Variants in PKP4 observed in about 807,000 individuals in gnomAD.
The protein encoded by PKP4 is plakophilin 4.
In PKP4, 90 loss-of-function variants were observed where a neutral mutation model predicts 145.1. That is an observed-to-expected ratio of 0.62 (90% CI 0.52 to 0.74). PKP4 has a LOEUF of 0.74. PKP4 is among the 30% of genes least tolerant of loss of function. The pLI, the probability that PKP4 is intolerant of heterozygous loss-of-function variation, is 0.00. For synonymous variants in PKP4, 563 were observed against 577.2 expected, an observed-to-expected ratio of 0.98 and a Z score of 0.35; for missense variants, 1,340 against 1,482.7, an observed-to-expected ratio of 0.90 and a Z score of 1.58.
intron 15 of PKP4, among the ~76,000 whole-genome samples, chr2:158,664,339 T>G (rs1258103006): frequency 1.3e-5 from 2 of 152,176 alleles, no homozygotes; most frequent in Non-Finnish European, 2.9e-5. Flanking sequence ...TTTGCAAATG[T>G]ATGAGTATGA....
chr2:158,662,169 G>A (rs2056654088), intron 13 of PKP4: 1 of 152,418 alleles, frequency 6.6e-6, no homozygotes, highest in African/African-American at 2.4e-5. Context: ...GGGTGAGCCT[G>A]AGAGAAAAAA....
At position 158,663,209 on chromosome 2, in the gene PKP4, T is replaced by C. The variant is rs1218680335; in HGVS notation, c.2404-63T>C. 9 of 1,554,030 alleles carry C rather than the reference T, an allele frequency of 5.8e-6. No individual in the cohort carries two copies. In the African/African-American group the frequency reaches 1.2e-4, roughly 21 times the overall value. ...TAGCTGAGTCCCGCAAAGGTGAATG[T>C]TTTCAAGTATTGGAGATCATGTTCA... On this transcript the variant is annotated intron_variant, in intron 14 of 21. Coordinates refer to ENST00000389759, the MANE Select transcript of PKP4 (RefSeq NM_003628.6).
At chr2:158,599,262 A>G (rs2050030381) in intron 3 of PKP4, among the ~76,000 whole-genome samples, 2 of 152,198 alleles carry the variant, frequency 1.3e-5, no homozygotes, top group South Asian at 4.1e-4. Flanking sequence ...CCAAAAGAGG[A>G]TAAGAGGATA....
At chr2:158,482,266 A>G (rs570968092) in intron 1 of PKP4, among the ~76,000 whole-genome samples, 19 of 152,290 alleles carry the variant, frequency 1.2e-4, no homozygotes, top group African/African-American at 4.1e-4. Context: ...GATGTGCTAT[A>G]TCCTGAAATT....
intron 1 of PKP4, among the ~76,000 whole-genome samples, chr2:158,499,874 C>T (rs1259250061): frequency 6.6e-6 from 1 of 152,154 alleles, no homozygotes; most frequent in Non-Finnish European, 1.5e-5. Context: ...GTTTAGAGAA[C>T]AGGATGCATG....
At chr2:158,572,559 T>C (rs1017253304) in intron 2 of PKP4, among the ~76,000 whole-genome samples, 1 of 152,124 alleles carries the variant, frequency 6.6e-6, no homozygotes, top group Non-Finnish European at 1.5e-5. Flanking sequence ...CAGCCTAAGG[T>C]GAGGGTTCAA....
rs540632371 is a variant in PKP4, at chr2:158,529,583, A to C, written c.-5-3597A>C. Among the ~76,000 whole-genome samples, 5 of 152,312 alleles carry C rather than the reference A, an allele frequency of 3.3e-5. No individual in the cohort carries two copies. In the East Asian group the frequency reaches 9.7e-4, roughly 29 times the overall value. ...AGTAGTTATGTCCCAAGGAGCCTGA[A>C]GGAAAATTGTAAGCTCACTTAAACG... On this transcript the variant is annotated intron_variant, in intron 1 of 21. Coordinates refer to ENST00000389759, the MANE Select transcript of PKP4 (RefSeq NM_003628.6).
intron 1 of PKP4, among the ~76,000 whole-genome samples, chr2:158,480,135 C>A (rs925202060): frequency 6.6e-6 from 1 of 152,204 alleles, no homozygotes; most frequent in Non-Finnish European, 1.5e-5. Flanking sequence ...AGTGCCAACT[C>A]ACAGGTTTTA....
intron 3 of PKP4, among the ~76,000 whole-genome samples, chr2:158,584,924 T>G (rs1192512492): frequency 2.0e-5 from 3 of 152,180 alleles, no homozygotes; most frequent in African/African-American, 4.8e-5. Context: ...TCTTTGTACA[T>G]CATAAATTGG....
chr2:158,676,894 C>T (rs1202839560), intron 20 of PKP4, 27 bp downstream of exon 20: 1 of 1,613,828 alleles, frequency 6.2e-7, no homozygotes, highest in South Asian at 1.1e-5. Flanking sequence ...GTGTGTGATA[C>T]AGTCTCTTGA....
rs139724861 is a variant in PKP4, at chr2:158,534,337, A to G, written c.132+1021A>G. Among the ~76,000 whole-genome samples, 183 of 152,336 alleles carry G rather than the reference A, an allele frequency of 1.2e-3. 1 individual carries two copies. Among genetic ancestry groups the G allele is most frequent in the African/African-American group, 4.2e-3 (173 of 41,588 alleles). On this transcript the variant is annotated intron_variant, in intron 2 of 21. Coordinates refer to ENST00000389759, the MANE Select transcript of PKP4 (RefSeq NM_003628.6). ...GTCTGACGTTAGAACTGTGTTTTCA[A>G]GAAAAATTATTTCAGTTTATTCTAG...
At chr2:158,664,880 A>G (rs2056935565) in intron 15 of PKP4, among the ~76,000 whole-genome samples, 1 of 152,246 alleles carries the variant, frequency 6.6e-6, no homozygotes, top group South Asian at 2.1e-4. Context: ...AAGTATTTAT[A>G]AACATTTATG....
chr2:158,640,523 C>T, intron 9 of PKP4, 104 bp from the exon 10 acceptor site: 1 of 1,250,192 alleles, frequency 8.0e-7, no homozygotes. Flanking sequence ...TGTAACTTCC[C>T]ATTTTTGTCT....
chr2:158,637,340 G>A (rs897794386), intron 9 of PKP4, among the ~76,000 whole-genome samples: 35 of 152,092 alleles, frequency 2.3e-4, no homozygotes, highest in Non-Finnish European at 4.7e-4. Context: ...ACATCACGTG[G>A]TACCTGTTCA....
chr2:158,539,105 T>A lies in PKP4; in HGVS notation c.132+5789T>A, dbSNP rs139356498. 3.1e-3 allele frequency among the ~76,000 whole-genome samples: 468 copies of A among 152,346 alleles called. 1 individual carries two copies. The highest frequency in any genetic ancestry group is 2.9e-3 in the Non-Finnish European group (196 of 68,020). ...AGAATACCACTTTCAATATATTTTC[T>A]GGCTTTTGTGAAAATAACCATTCTA... On this transcript the variant is annotated intron_variant, in intron 2 of 21. Transcript: ENST00000389759.
intron 4 of PKP4, among the ~76,000 whole-genome samples, chr2:158,614,657 C>G (rs1472912936): frequency 6.6e-6 from 1 of 152,122 alleles, no homozygotes; most frequent in Non-Finnish European, 1.5e-5. Context: ...TCTAAATATT[C>G]CAAAGCCACT....
At chr2:158,504,539 A>G (rs1036801602) in intron 1 of PKP4, among the ~76,000 whole-genome samples, 2 of 152,252 alleles carry the variant, frequency 1.3e-5, no homozygotes, top group African/African-American at 4.8e-5. Flanking sequence ...AGTTAAACAT[A>G]AAACTAAGTT....
chr2:158,471,894 T>C (rs1691626916), intron 1 of PKP4, among the ~76,000 whole-genome samples: 1 of 152,224 alleles, frequency 6.6e-6, no homozygotes, highest in African/African-American at 2.4e-5. Flanking sequence ...ATTCTACTCA[T>C]AGCCAAAATT....
At position 158,522,970 on chromosome 2, in the gene PKP4, G is replaced by A. The variant is rs527533603; in HGVS notation, c.-5-10210G>A. Among the ~76,000 whole-genome samples, 439 of 152,244 alleles carry A rather than the reference G, an allele frequency of 2.9e-3. 2 individuals carry two copies. Among genetic ancestry groups the A allele is most frequent in the African/African-American group, 9.3e-3 (387 of 41,556 alleles). ...CCAGACTATATCCCACACCTGGCTCGGAGGGTCCTACGCCCACGGAATCTC... is the reference window on the plus strand; with the variant it reads ...CCAGACTATATCCCACACCTGGCTCAGAGGGTCCTACGCCCACGGAATCTC... On this transcript the variant is annotated intron_variant, in intron 1 of 21. Transcript: ENST00000389759.
Sources: allele counts gnomAD v4.1 joint callset (sites outside exome capture counted in the v4.1 genomes callset), GRCh38; gene constraint gnomAD v4.1.1; transcripts MANE v1.5; gene names NCBI Gene and HGNC (gene_info 2026-07-23, HGNC 2026-07-21).